LHFPL4: variants seen among roughly 807,000 people sequenced by gnomAD.
LHFPL4 encodes LHFPL tetraspan subfamily member 4, also known as LHFPL tetraspan subfamily member 4 protein.
In LHFPL4, 6 loss-of-function variants were observed where a neutral mutation model predicts 20.0. That is an observed-to-expected ratio of 0.30 (90% CI 0.16 to 0.59). The LOEUF is 0.59. Ranked by LOEUF, LHFPL4 falls within the 20% of genes least tolerant of loss-of-function variation. LHFPL4 has a pLI of 0.88. For missense variants in LHFPL4, 215 were observed against 331.2 expected (o/e 0.65, Z 2.72); for synonymous variants, 129 against 143.8 (o/e 0.90, Z 0.74).
At chr3:9,518,937 A>G (rs2046320794) in intron 2 of LHFPL4, among the ~76,000 whole-genome samples, 1 of 142,084 alleles carries the variant, frequency 7.0e-6, no homozygotes, top group African/African-American at 2.6e-5. Context: ...TTATTTATTT[A>G]TTTATTTATT....
At chr3:9,538,847 C>T (rs62246353) in intron 2 of LHFPL4, among the ~76,000 whole-genome samples, 15 of 152,048 alleles carry the variant, frequency 9.9e-5, no homozygotes, top group Non-Finnish European at 1.6e-4. Flanking sequence ...TACAGGCATG[C>T]ACCACCACGC....
At chr3:9,504,824 C>CAAA (rs35221511) in intron 3 of LHFPL4, among the ~76,000 whole-genome samples, 1 of 144,986 alleles carries the variant, frequency 6.9e-6, no homozygotes. Context: ...GACTCCATCT[C>CAAA]AAAAAAAAAA....
rs943526167 is a variant in LHFPL4, at chr3:9,505,064, C to T, written c.643+903G>A. ...TGTGAACATGTCACGTGTATTTATC[C>T]GGCCTCCTGTCCATGGCCATTGGGC... is the stretch of plus-strand genomic sequence containing the variant. On this transcript the variant is annotated intron_variant, in intron 3 of 3. Coordinates refer to ENST00000287585, the MANE Select transcript of LHFPL4 (RefSeq NM_198560.3). Among the ~76,000 whole-genome samples, 12 of 152,084 alleles carry T rather than the reference C, an allele frequency of 7.9e-5. No homozygotes were observed. The East Asian group carries it at 1.7e-3, about 22-fold the overall frequency.
chr3:9,531,801 G>GAAAGAAAAGAAAAGAAAAGAAAAGA (rs58150564), intron 2 of LHFPL4, among the ~76,000 whole-genome samples: 317 of 148,352 alleles, frequency 2.1e-3, no homozygotes, highest in African/African-American at 7.5e-3. Context: ...CTCCATCTCA[G>GAAAGAAAAGAAAAGAAAAGAAAAGA]AAAGAAAAGA....
chr3:9,536,806 A>AAG (rs1330194599), intron 2 of LHFPL4, among the ~76,000 whole-genome samples: 1 of 151,702 alleles, frequency 6.6e-6, no homozygotes, highest in African/African-American at 2.4e-5. Flanking sequence ...TAAAAAAAAA[A>AAG]TTAGCAGGAG....
At chr3:9,504,628 A>T (rs929780373) in intron 3 of LHFPL4, among the ~76,000 whole-genome samples, 1 of 152,114 alleles carries the variant, frequency 6.6e-6, no homozygotes, top group Non-Finnish European at 1.5e-5. Context: ...GATCGAGACC[A>T]TCCTGGCTAA....
At chr3:9,541,509 C>A (rs779250089) in intron 2 of LHFPL4, among the ~76,000 whole-genome samples, 1 of 152,108 alleles carries the variant, frequency 6.6e-6, no homozygotes, top group African/African-American at 2.4e-5. Context: ...CCATGGCTCG[C>A]GCCTGTAATC....
chr3:9,542,380 T>C (rs188182983), intron 2 of LHFPL4, among the ~76,000 whole-genome samples: 45 of 152,290 alleles, frequency 3.0e-4, no homozygotes, highest in African/African-American at 1.0e-3. Context: ...AGCTGATGAA[T>C]GGATAAACAA....
rs897596713 is a variant in LHFPL4 at position 9,552,160 on chromosome 3, G to A, written c.406+114C>T. On this transcript the variant is annotated intron_variant, in intron 2 of 3. Coordinates refer to ENST00000287585, the MANE Select transcript of LHFPL4 (RefSeq NM_198560.3). Reference sequence around the variant, plus strand: ...GAGGGTCCGTCAGCCAAAGAGGTGAGTGTCTTAACACAGAGAAGCAGAATC... The same window carrying A: ...GAGGGTCCGTCAGCCAAAGAGGTGAATGTCTTAACACAGAGAAGCAGAATC... 8.0e-6 allele frequency: 11 copies of A among 1,375,224 alleles called. No homozygotes were observed. In the African/African-American group the frequency reaches 1.6e-4, roughly 20 times the overall value. 85.2% of individuals were successfully genotyped at this position (1,375,224 alleles called of 1,614,324 possible).
chr3:9,506,143 C>T lies in LHFPL4; in HGVS notation c.467G>A (p.Arg156Gln), dbSNP rs1447186912. 3 of 1,614,030 alleles carry T rather than the reference C, an allele frequency of 1.9e-6. No homozygotes were observed. The highest frequency in any genetic ancestry group is 2.2e-5 in the East Asian group (1 of 44,888). Residue 156 changes from arginine (R) to glutamine (Q), a missense_variant, in exon 3 of 4, where the codon CGG becomes CAG. Coordinates refer to ENST00000287585, the MANE Select transcript of LHFPL4 (RefSeq NM_198560.3). The surrounding 1 kb of genome is among the most constrained non-coding windows in gnomAD (Gnocchi z 4.5). ...FPDGWDAETI[R>Q]DMCGAKTGKY... Reference sequence around the variant, plus strand: ...CCCCGTCTTGGCCCCACACATGTCCCGGATGGTCTCGGCATCCCAGCCATC... The same window carrying T: ...CCCCGTCTTGGCCCCACACATGTCCTGGATGGTCTCGGCATCCCAGCCATC...
At chr3:9,547,798 T>TTTGTA (rs2046525373) in intron 2 of LHFPL4, among the ~76,000 whole-genome samples, 1 of 143,434 alleles carries the variant, frequency 7.0e-6, no homozygotes, top group Non-Finnish European at 1.5e-5. Context: ...TTTGTTTTGT[T>TTTGTA]TTGTTTTGTT....
intron 2 of LHFPL4, among the ~76,000 whole-genome samples, chr3:9,517,801 G>GTTTTTTTTTTTTTTTTTTT (rs1162876826): frequency 1.3e-5 from 1 of 75,578 alleles, no homozygotes; most frequent in African/African-American, 4.0e-5. Flanking sequence ...GGGTTTTTTT[G>GTTTTTTTTTTTTTTTTTTT]TTTTTTGTTT....
At chr3:9,535,413 G>C (rs1266625596) in intron 2 of LHFPL4, among the ~76,000 whole-genome samples, 1 of 152,136 alleles carries the variant, frequency 6.6e-6, no homozygotes, top group Non-Finnish European at 1.5e-5. Flanking sequence ...TAAGTTGCAG[G>C]ATTTGGACCC....
intron 3 of LHFPL4, among the ~76,000 whole-genome samples, chr3:9,505,209 A>G (rs2046208569): frequency 6.6e-6 from 1 of 152,076 alleles, no homozygotes; most frequent in Admixed American, 6.6e-5. Flanking sequence ...CTGAGGCAGA[A>G]CATCAAATCA....
chr3:9,533,483 C>T (rs1485895560), intron 2 of LHFPL4, among the ~76,000 whole-genome samples: 1 of 152,100 alleles, frequency 6.6e-6, no homozygotes, highest in Non-Finnish European at 1.5e-5. Flanking sequence ...CAAAATCAGT[C>T]TATAGGATTA....
At chr3:9,549,705 A>T (rs1002695160) in intron 2 of LHFPL4, among the ~76,000 whole-genome samples, 7 of 151,610 alleles carry the variant, frequency 4.6e-5, no homozygotes, top group Admixed American at 6.6e-5. Context: ...CTCAAAATTT[A>T]AAAAAAAAGT....
chr3:9,547,774 G>A lies in LHFPL4; in HGVS notation c.406+4500C>T, dbSNP rs183300956. Among the ~76,000 whole-genome samples, 8 of 145,026 alleles carry A rather than the reference G, an allele frequency of 5.5e-5. No individual in the cohort carries two copies. In the East Asian group the frequency reaches 8.0e-4, roughly 15 times the overall value. On this transcript the variant is annotated intron_variant, in intron 2 of 3. Transcript: ENST00000287585. ...TTAATCCTCCTTTAACCAAGATCTC[G>A]GAGATTTTTGTTCTTTGTTTTGTTT...
At chr3:9,509,553 C>T (rs1327709053) in intron 2 of LHFPL4, among the ~76,000 whole-genome samples, 1 of 152,110 alleles carries the variant, frequency 6.6e-6, no homozygotes, top group Non-Finnish European at 1.5e-5. Flanking sequence ...GGAATACAGC[C>T]AACAAGTCAA....
rs1574858884 is a variant in LHFPL4, at chr3:9,552,525, C to T, written c.155G>A (p.Ser52Asn). 1 of 1,613,892 alleles carries T rather than the reference C, an allele frequency of 6.2e-7. No individual in the cohort carries two copies. The highest frequency in any genetic ancestry group is 1.1e-5 in the South Asian group (1 of 91,084). The change falls in exon 2 of 4, where the codon AGC (serine) becomes AAC (asparagine). Residue 52 changes from serine to asparagine, a missense_variant. Transcript: ENST00000287585. ...IQPYWVGDSVSTPKPGYFGLF... is the reference protein window; with the variant it reads ...IQPYWVGDSVNTPKPGYFGLF... ...GCCGAAGTAGCCAGGCTTGGGGGTG[C>T]TCACGCTGTCGCCCACCCAGTAGGG...
Sources: gnomAD v4.1 joint callset for allele counts (sites outside exome capture counted in the v4.1 genomes callset) on GRCh38, gnomAD v4.1.1 for gene constraint, Gnocchi (gnomAD v3.1) non-coding constraint, MANE v1.5 for transcripts, NCBI Gene and HGNC (gene_info 2026-07-23, HGNC 2026-07-21) for gene names.